EPHA6: variants seen among roughly 807,000 people sequenced by gnomAD.
EPHA6 encodes ephrin type-A receptor 6.
EPHA6 carries 50 observed loss-of-function variants against 112.0 expected under a neutral mutation model. The ratio of observed to expected loss-of-function variants is 0.45; its 90% CI spans 0.36 to 0.56. The LOEUF is 0.56. Among genes scored for constraint, EPHA6 ranks in the 20% least tolerant of loss-of-function variants. The pLI is 0.00. For missense variants in EPHA6, 1,280 were observed against 1,417.4 expected (o/e 0.90, Z 1.56); for synonymous variants, 529 against 490.7 (o/e 1.08, Z -1.03).
intron 5 of EPHA6, among the ~76,000 whole-genome samples, chr3:97,362,888 A>T (rs984164082): frequency 6.6e-6 from 1 of 151,808 alleles, no homozygotes; most frequent in East Asian, 2.0e-4. Context: ...TATTAAGTGT[A>T]TTAAGTTTAT....
chr3:97,004,876 T>TC (rs1266028554), intron 3 of EPHA6, among the ~76,000 whole-genome samples: 1 of 152,176 alleles, frequency 6.6e-6, no homozygotes, highest in Non-Finnish European at 1.5e-5. Flanking sequence ...GGAGATCCTT[T>TC]CCCCATTGCT....
intron 2 of EPHA6, among the ~76,000 whole-genome samples, chr3:96,969,133 A>G (rs528059641): frequency 6.6e-6 from 1 of 152,070 alleles, no homozygotes; most frequent in East Asian, 1.9e-4. Context: ...ATTTTTAACA[A>G]TTGGAAATCA....
At chr3:97,484,594 A>C (rs2091650877) in intron 10 of EPHA6, among the ~76,000 whole-genome samples, 1 of 152,162 alleles carries the variant, frequency 6.6e-6, no homozygotes, top group Non-Finnish European at 1.5e-5. Flanking sequence ...AAATCACCCC[A>C]CAGGAATTTA....
intron 5 of EPHA6, among the ~76,000 whole-genome samples, chr3:97,344,199 G>T (rs1337197284): frequency 6.6e-6 from 1 of 152,114 alleles, no homozygotes; most frequent in Non-Finnish European, 1.5e-5. Context: ...ATTGATGCTG[G>T]AACGAGTTAA....
At chr3:96,922,454 A>G (rs1229063382) in intron 2 of EPHA6, among the ~76,000 whole-genome samples, 17 of 152,114 alleles carry the variant, frequency 1.1e-4, no homozygotes, top group Admixed American at 1.1e-3. Flanking sequence ...AATAGACTAC[A>G]TTTTTCAGAT....
At chr3:97,518,356 A>G (rs2092480077) in intron 10 of EPHA6, among the ~76,000 whole-genome samples, 1 of 151,884 alleles carries the variant, frequency 6.6e-6, no homozygotes, top group African/African-American at 2.4e-5. Flanking sequence ...TTTTTTATTC[A>G]TATATCTACT....
At chr3:97,600,745 A>G (rs975893282) in intron 12 of EPHA6, among the ~76,000 whole-genome samples, 1 of 152,046 alleles carries the variant, frequency 6.6e-6, no homozygotes, top group African/African-American at 2.4e-5. Flanking sequence ...TGTTCTATAT[A>G]TAAAGTTATG....
At chr3:97,578,562 C>A (rs1395329027) in intron 11 of EPHA6, among the ~76,000 whole-genome samples, 1 of 152,132 alleles carries the variant, frequency 6.6e-6, no homozygotes, top group Non-Finnish European at 1.5e-5. Context: ...TATGGAAAGG[C>A]CACTGTCAGT....
At chr3:97,154,137 C>A (rs1281174707) in intron 3 of EPHA6, among the ~76,000 whole-genome samples, 2 of 150,826 alleles carry the variant, frequency 1.3e-5, no homozygotes, top group African/African-American at 2.5e-5. Flanking sequence ...TGCACCCCAG[C>A]CTGGGCAACA....
chr3:97,337,592 T>A (rs747812132), intron 5 of EPHA6, among the ~76,000 whole-genome samples: 2 of 152,140 alleles, frequency 1.3e-5, no homozygotes, highest in Non-Finnish European at 2.9e-5. Context: ...GCCACAAATA[T>A]TTTATTGGTA....
chr3:97,222,262 CAAT>C (rs1362774714), intron 3 of EPHA6, among the ~76,000 whole-genome samples: 1 of 151,712 alleles, frequency 6.6e-6, no homozygotes, highest in Non-Finnish European at 1.5e-5. Context: ...GTGAGTGCCT[CAAT>C]AATAATTTTC....
chr3:97,288,823 A>T (rs1204092894), intron 5 of EPHA6, among the ~76,000 whole-genome samples: 1 of 150,876 alleles, frequency 6.6e-6, no homozygotes, highest in African/African-American at 2.4e-5. Context: ...TTTTCTGATG[A>T]TTACTGATGT....
intron 3 of EPHA6, among the ~76,000 whole-genome samples, chr3:97,163,151 C>G (rs183085349): frequency 3.5e-4 from 54 of 152,180 alleles, no homozygotes; most frequent in Admixed American, 1.2e-3. Context: ...TCTGGACTCT[C>G]CCATTGTGGG....
intron 14 of EPHA6, among the ~76,000 whole-genome samples, chr3:97,689,859 G>A (rs2032535829): frequency 6.6e-6 from 1 of 151,990 alleles, no homozygotes; most frequent in South Asian, 2.1e-4. Context: ...GTTTTCTGAT[G>A]GTGGACAAAT....
rs2043861281 is a variant in EPHA6 at position 97,005,921 on chromosome 3, A to T, written c.1114+17928A>T. Among the ~76,000 whole-genome samples the T allele has an allele frequency of 2.0e-5, 3 of 152,188 alleles. No individual in the cohort carries two copies. In the South Asian group the frequency reaches 6.2e-4, roughly 32 times the overall value. ...TCTATTTATGTGATAGATTACATTT[A>T]TCGATTTGGGTATGTTGAACCAGCC... On this transcript the variant is annotated intron_variant, in intron 3 of 17. Coordinates refer to ENST00000389672, the MANE Select transcript of EPHA6 (RefSeq NM_001080448.3).
At chr3:97,532,631 C>T in intron 11 of EPHA6, 88 bp downstream of exon 11, 2 of 1,074,674 alleles carry the variant, frequency 1.9e-6, no homozygotes, top group Non-Finnish European at 2.6e-6. Context: ...AATAATACCA[C>T]AGTCATTAAA....
At chr3:97,538,494 C>G (rs891167075) in intron 11 of EPHA6, among the ~76,000 whole-genome samples, 17 of 152,106 alleles carry the variant, frequency 1.1e-4, no homozygotes, top group Admixed American at 1.1e-3. Flanking sequence ...TCCCTGGAGC[C>G]TGAGTGGGCT....
chr3:97,501,210 A>G (rs947504871), intron 10 of EPHA6, among the ~76,000 whole-genome samples: 3 of 152,180 alleles, frequency 2.0e-5, no homozygotes, highest in Non-Finnish European at 4.4e-5. Context: ...CAAGGAATAA[A>G]TTGAGTAAAG....
At chr3:97,469,872 A>G (rs528225804) in intron 7 of EPHA6, among the ~76,000 whole-genome samples, 1 of 151,624 alleles carries the variant, frequency 6.6e-6, no homozygotes, top group South Asian at 2.1e-4. Flanking sequence ...AAACTAGTCT[A>G]CTCCTGTGGG....
Sources: gnomAD v4.1 joint callset for allele counts (sites outside exome capture counted in the v4.1 genomes callset) on GRCh38, gnomAD v4.1.1 for gene constraint, MANE v1.5 for transcripts, NCBI Gene and HGNC (gene_info 2026-07-23, HGNC 2026-07-21) for gene names.